VPS13B: variants seen among roughly 807,000 people sequenced by gnomAD.
VPS13B encodes intermembrane lipid transfer protein VPS13B.
A neutral mutation model predicts 426.4 loss-of-function variants in VPS13B; 285 were observed. That is an observed-to-expected ratio of 0.67 (90% CI 0.61 to 0.74). VPS13B has a LOEUF of 0.74. VPS13B is among the 30% of genes least tolerant of loss of function. The pLI is 0.00. For synonymous variants in VPS13B, 1,676 were observed against 1,676.4 expected (o/e 1.00, Z 0.01); for missense variants, 4,537 against 4,782.6 (o/e 0.95, Z 1.51).
At chr8:99,688,802 C>T (rs1228680121) in intron 35 of VPS13B, among the ~76,000 whole-genome samples, 3 of 151,980 alleles carry the variant, frequency 2.0e-5, no homozygotes, top group African/African-American at 2.4e-5. Flanking sequence ...GAGCCTTCAG[C>T]GTGAACATCC....
At chr8:99,131,030 T>G (rs923522167) in intron 8 of VPS13B, among the ~76,000 whole-genome samples, 1 of 152,204 alleles carries the variant, frequency 6.6e-6, no homozygotes. Context: ...GCTTTGACTT[T>G]GCATTTAAAA....
chr8:99,100,929 A>T (rs1846699909), intron 4 of VPS13B, among the ~76,000 whole-genome samples: 2 of 151,852 alleles, frequency 1.3e-5, no homozygotes, highest in Non-Finnish European at 2.9e-5. Flanking sequence ...CTGTAATCCT[A>T]GCTACTCAGG....
chr8:99,539,329 A>G (rs1212450475), intron 30 of VPS13B, among the ~76,000 whole-genome samples: 5 of 152,204 alleles, frequency 3.3e-5, no homozygotes, highest in Non-Finnish European at 7.4e-5. Flanking sequence ...ATTAATATTT[A>G]ATAAGAATGA....
At chr8:99,169,596 C>G (rs144020302) in intron 15 of VPS13B, among the ~76,000 whole-genome samples, 1,809 of 151,708 alleles carry the variant, frequency 0.012, 31 homozygotes, top group African/African-American at 0.041. Context: ...AAGGTGAAGA[C>G]AAAATACATT....
At chr8:99,547,117 A>G (rs1824024081) in intron 30 of VPS13B, among the ~76,000 whole-genome samples, 1 of 152,048 alleles carries the variant, frequency 6.6e-6, no homozygotes, top group Non-Finnish European at 1.5e-5. Context: ...GAGAATCAAT[A>G]GGGATGCTAG....
At chr8:99,228,300 C>A (rs1816127058) in intron 17 of VPS13B, among the ~76,000 whole-genome samples, 1 of 151,816 alleles carries the variant, frequency 6.6e-6, no homozygotes, top group South Asian at 2.1e-4. Context: ...GTTTTTGTCC[C>A]TGGAGAGTGC....
chr8:99,060,996 T>C (rs1305994849), intron 3 of VPS13B, among the ~76,000 whole-genome samples: 2 of 152,196 alleles, frequency 1.3e-5, no homozygotes, highest in Non-Finnish European at 2.9e-5. Flanking sequence ...AAATATAACC[T>C]TAATTGTAGT....
intron 20 of VPS13B, among the ~76,000 whole-genome samples, chr8:99,388,577 A>T (rs1814253785): frequency 1.3e-5 from 2 of 152,202 alleles, no homozygotes; most frequent in African/African-American, 4.8e-5. Context: ...AAGGAAAAAG[A>T]ATATACACAG....
intron 3 of VPS13B, among the ~76,000 whole-genome samples, chr8:99,041,531 A>G (rs1001678380): frequency 3.3e-5 from 5 of 152,208 alleles, no homozygotes; most frequent in Admixed American, 1.3e-4. Flanking sequence ...TTAAAAAATT[A>G]TATGATTGAT....
At chr8:99,722,501 G>GT (rs1257029647) in intron 39 of VPS13B, among the ~76,000 whole-genome samples, 1 of 149,026 alleles carries the variant, frequency 6.7e-6, no homozygotes, top group Non-Finnish European at 1.5e-5. Context: ...ACAATCTTAT[G>GT]TAATTCCTTT....
At chr8:99,520,208 G>T (rs776016121) in intron 29 of VPS13B, among the ~76,000 whole-genome samples, 2 of 151,850 alleles carry the variant, frequency 1.3e-5, no homozygotes, top group Non-Finnish European at 2.9e-5. Flanking sequence ...CTTTTAAAGG[G>T]GTCTGGGGTT....
chr8:99,832,642 T>A lies in VPS13B; in HGVS notation c.9604T>A (p.Phe3202Ile). The A allele has an allele frequency of 6.2e-7, 1 of 1,613,682 alleles. No homozygotes were observed. Among genetic ancestry groups the A allele is most frequent in the South Asian group, 1.1e-5 (1 of 91,058 alleles). ...CCTCGGGAATTTCCGGGAAAATGGA[T>A]TCTGTACCAGGTATTTTATGTTTAT... ...VPLGNFRENG[F>I]CTRAIVLTYQ... The change falls in exon 52 of 62, where the codon TTC (phenylalanine) becomes ATC (isoleucine). Residue 3202 changes from phenylalanine to isoleucine, a missense_variant. Phe to Ile is a conservative substitution (Grantham distance 21). This residue lies in a region of VPS13B where 4,311 missense variants were observed against 4,474.3 expected (regional missense o/e 0.96). Coordinates refer to ENST00000357162, the MANE Select transcript of VPS13B (RefSeq NM_152564.5).
At chr8:99,030,316 G>C (rs1207943671) in intron 2 of VPS13B, among the ~76,000 whole-genome samples, 4 of 151,282 alleles carry the variant, frequency 2.6e-5, no homozygotes, top group Non-Finnish European at 5.9e-5. Context: ...ATGATTTCTG[G>C]TTAGGACCTC....
At chr8:99,559,878 T>A (rs1380502705) in intron 31 of VPS13B, among the ~76,000 whole-genome samples, 2 of 152,190 alleles carry the variant, frequency 1.3e-5, no homozygotes, top group Non-Finnish European at 2.9e-5. Context: ...TAGGATTGAC[T>A]TGGCAATGTG....
chr8:99,339,391 AAG>A (rs981245867), intron 19 of VPS13B, among the ~76,000 whole-genome samples: 2 of 151,998 alleles, frequency 1.3e-5, no homozygotes, highest in Admixed American at 1.3e-4. Context: ...GAGTAGGAGA[AAG>A]AGAGAATGGA....
chr8:99,139,027 A>G (rs906573603), intron 12 of VPS13B, among the ~76,000 whole-genome samples: 24 of 152,192 alleles, frequency 1.6e-4, no homozygotes, highest in African/African-American at 4.3e-4. Context: ...TGGGTTTTTC[A>G]TATTTTTCAC....
intron 19 of VPS13B, among the ~76,000 whole-genome samples, chr8:99,352,127 T>C (rs1446052456): frequency 6.6e-6 from 1 of 152,180 alleles, no homozygotes; most frequent in African/African-American, 2.4e-5. Context: ...AATCATAGCA[T>C]TCCAACATTT....
intron 60 of VPS13B, 142 bp downstream of exon 60, chr8:99,871,029 A>G: frequency 1.2e-6 from 1 of 831,172 alleles, no homozygotes; most frequent in Non-Finnish European, 2.0e-6. Flanking sequence ...GCAGCACAAG[A>G]GCACTGTAGA....
intron 21 of VPS13B, among the ~76,000 whole-genome samples, chr8:99,409,235 G>T (rs1815491106): frequency 1.3e-5 from 2 of 152,138 alleles, no homozygotes. Flanking sequence ...GAGAGATGAG[G>T]TCAGGTGGGG....
Sources: allele counts gnomAD v4.1 joint callset (sites outside exome capture counted in the v4.1 genomes callset), GRCh38; gene constraint gnomAD v4.1.1; regional missense constraint gnomAD v4.1.1; transcripts MANE v1.5; gene names NCBI Gene and HGNC (gene_info 2026-07-23, HGNC 2026-07-21).